AGO4: variants seen among roughly 807,000 people sequenced by gnomAD.
The protein encoded by AGO4 is argonaute RISC component 4.
Under a neutral mutation model 104.7 loss-of-function variants are expected in AGO4, and 33 were observed. The observed-to-expected ratio is 0.32, with a 90% CI of 0.24 to 0.42. The LOEUF is 0.42. Among genes scored for constraint, AGO4 ranks in the 10% least tolerant of loss-of-function variants. The pLI is 1.00. For synonymous variants in AGO4, 331 were observed against 364.7 expected (o/e 0.91, Z 1.05); for missense variants, 711 against 1,083.4 (o/e 0.66, Z 4.83).
chr1:35,841,297 C>T lies in AGO4; in HGVS notation c.1857C>T (p.Ala619=). 2.5e-6 allele frequency: 4 copies of T among 1,614,182 alleles called. No individual in the cohort carries two copies. Among genetic ancestry groups the T allele is most frequent in the Non-Finnish European group, 3.4e-6 (4 of 1,180,034 alleles). The part of the protein sequence containing the change: ...SMDGHPSRYC[A]TVRVQTSRQE... ...ATGGCCACCCCAGCCGGTACTGTGC[C>T]ACCGTTCGGGTGCAGACTTCCCGGC... Residue 619 remains alanine, a synonymous_variant, in exon 14 of 18, where the codon GCC becomes GCT. Coordinates refer to ENST00000373210, the MANE Select transcript of AGO4 (RefSeq NM_017629.4). This position sits in a 1 kb window ranked among gnomAD's most constrained non-coding sequence, Gnocchi z 4.7.
chr1:35,838,953 T>C (rs1001714022), intron 13 of AGO4, among the ~76,000 whole-genome samples: 8 of 152,116 alleles, frequency 5.3e-5, no homozygotes, highest in African/African-American at 1.9e-4. Context: ...GCATATTTTG[T>C]CAACTTGATT....
chr1:35,812,921 T>C (rs1643556738), intron 1 of AGO4, among the ~76,000 whole-genome samples: 1 of 152,186 alleles, frequency 6.6e-6, no homozygotes, highest in Admixed American at 6.5e-5. Context: ...ATACAGTGAT[T>C]GCTTAAGTGT....
intron 17 of AGO4, among the ~76,000 whole-genome samples, chr1:35,851,646 C>T (rs1644703854): frequency 6.6e-6 from 1 of 152,094 alleles, no homozygotes; most frequent in African/African-American, 2.4e-5. Context: ...TGAAGTGTAG[C>T]AGTTTCTGGG....
intron 15 of AGO4, among the ~76,000 whole-genome samples, chr1:35,842,307 A>C (rs572164372): frequency 6.6e-6 from 1 of 151,910 alleles, no homozygotes; most frequent in Admixed American, 6.6e-5. Flanking sequence ...TCCCAAAACC[A>C]TCTCCCCGCC....
At position 35,834,003 on chromosome 1, in the gene AGO4, C is replaced by T. The variant is rs1320375545; in HGVS notation, c.1393C>T (p.Gln465Ter). The T allele has an allele frequency of 6.4e-7, 1 of 1,568,210 alleles. No homozygotes were observed. Among genetic ancestry groups the T allele is most frequent in the Admixed American group, 1.8e-5 (1 of 54,930 alleles). The change falls in exon 12 of 18, where the codon CAG (glutamine) becomes TAG (stop). Residue 465 changes from glutamine (Q) to a stop codon, truncating the protein, a stop_gained. Transcript: ENST00000373210. LOFTEE classifies it high-confidence loss of function. ...REDLLKSFTD[Q>*]LRKISKDAGM... is the part of the protein sequence containing the mutation. The stretch of plus-strand genomic sequence containing the variant: ...CTATTTTAACAGGAGTTTCACTGAC[C>T]AGCTGCGTAAAATCTCTAAGGATGC...
At chr1:35,819,799 T>TAA (rs77771083) in intron 2 of AGO4, among the ~76,000 whole-genome samples, 4 of 131,038 alleles carry the variant, frequency 3.1e-5, no homozygotes, top group African/African-American at 5.7e-5. Flanking sequence ...CTCTGAGTCT[T>TAA]AAAAAAAAAA....
In AGO4 at chr1:35,822,980, A is replaced by G. The variant is rs779359807; in HGVS notation, c.304A>G (p.Arg102Gly). The change falls in exon 3 of 18, where the codon AGG (arginine) becomes GGG (glycine). Residue 102 changes from arginine to glycine, a missense_variant and splice_region_variant. Arg to Gly is a moderately radical substitution (Grantham distance 125, BLOSUM62 -2). Coordinates refer to ENST00000373210, the MANE Select transcript of AGO4 (RefSeq NM_017629.4). ...TAHPLPIGRDRVDMEVTLPGE... is the reference protein window; with the variant it reads ...TAHPLPIGRDGVDMEVTLPGE... ...ACATCCACTACCAATTGGACGGGAT[A>G]GGGTAAGTGTTAAGAGCAAGAAATA... 6 of 1,613,730 alleles carry G rather than the reference A, an allele frequency of 3.7e-6. No individual in the cohort carries two copies. The Admixed American group carries it at 8.3e-5, about 22-fold the overall frequency.
At chr1:35,836,464 C>T (rs1644315698) in intron 13 of AGO4, among the ~76,000 whole-genome samples, 1 of 152,194 alleles carries the variant, frequency 6.6e-6, no homozygotes, top group Non-Finnish European at 1.5e-5. Context: ...GGTTGGAGTG[C>T]AGTGATGCGA....
At chr1:35,815,885 G>A (rs778433134) in intron 1 of AGO4, among the ~76,000 whole-genome samples, 3 of 152,164 alleles carry the variant, frequency 2.0e-5, no homozygotes, top group Non-Finnish European at 4.4e-5. Flanking sequence ...AGAACCACTG[G>A]TCTAGACTGT....
chr1:35,831,998 T>G, intron 9 of AGO4, 59 bp from the exon 10 acceptor site: 1 of 1,604,788 alleles, frequency 6.2e-7, no homozygotes, highest in Middle Eastern at 1.7e-4. Flanking sequence ...AATAGAAAAC[T>G]CCTCCTGGGA....
intron 1 of AGO4, among the ~76,000 whole-genome samples, chr1:35,811,126 C>T (rs1353423886): frequency 8.6e-5 from 13 of 151,564 alleles, no homozygotes; most frequent in African/African-American, 3.2e-4. Context: ...AAAAGAAACC[C>T]TGCCTCAAAA....
At chr1:35,826,925 G>C in intron 7 of AGO4, 90 bp downstream of exon 7, 1 of 1,329,314 alleles carries the variant, frequency 7.5e-7, no homozygotes, top group East Asian at 2.5e-5. Context: ...TTATTGGCCG[G>C]GCACAGTGGC....
intron 15 of AGO4, among the ~76,000 whole-genome samples, chr1:35,846,346 C>G (rs1043722327): frequency 6.6e-6 from 1 of 151,948 alleles, no homozygotes; most frequent in South Asian, 2.1e-4. Flanking sequence ...ACCTGTAATC[C>G]CAGCACTTTG....
intron 15 of AGO4, among the ~76,000 whole-genome samples, chr1:35,846,209 G>A (rs1324890573): frequency 6.6e-6 from 1 of 151,948 alleles, no homozygotes; most frequent in Non-Finnish European, 1.5e-5. Context: ...CTATTACTTG[G>A]CATCACTGTA....
intron 16 of AGO4, 41 bp from the exon 17 acceptor site, chr1:35,850,813 C>T (rs761053412): frequency 6.3e-5 from 70 of 1,115,066 alleles, no homozygotes; most frequent in Middle Eastern, 2.1e-4. Flanking sequence ...AAACAAAAAA[C>T]GAACAAAAAA....
rs60952067 is a variant in AGO4, at chr1:35,818,625, AAAAG to A, written c.185+1611_185+1614del. 1.5e-3 allele frequency among the ~76,000 whole-genome samples: 187 copies of A among 126,102 alleles called. 1 individual carries two copies. The highest frequency in any genetic ancestry group is 5.2e-3 in the African/African-American group (159 of 30,698). 82.7% of individuals were successfully genotyped at this position (126,102 alleles called of 152,430 possible). ...GGCAACAGAGGGAGACTCTGTCTCA[AAAAG>A]AAAGAAAGAAAGAAAGAAAGAAAGA... On this transcript the variant is annotated intron_variant, in intron 2 of 17. Transcript: ENST00000373210.
chr1:35,841,568 A>G lies in AGO4; in HGVS notation c.2041-48A>G, dbSNP rs1052967429. On this transcript the variant is annotated intron_variant, in intron 14 of 17. Coordinates refer to ENST00000373210, the MANE Select transcript of AGO4 (RefSeq NM_017629.4). The surrounding 1 kb of genome is among the most constrained non-coding windows in gnomAD (Gnocchi z 4.7). ...CTACCATTCTGGGTAGATCTGAGAG[A>G]TACTAGGCAAATTCTCAATTAAACA... is the stretch of plus-strand genomic sequence containing the variant. 1 of 1,613,208 alleles carries G rather than the reference A, an allele frequency of 6.2e-7. No homozygotes were observed. Among genetic ancestry groups the G allele is most frequent in the Non-Finnish European group, 8.5e-7 (1 of 1,179,502 alleles).
At chr1:35,816,306 A>T (rs1449080673) in intron 1 of AGO4, among the ~76,000 whole-genome samples, 1 of 152,204 alleles carries the variant, frequency 6.6e-6, no homozygotes, top group Non-Finnish European at 1.5e-5. Flanking sequence ...TTTATACTGT[A>T]GCCTATACTT....
At chr1:35,835,762 G>T (rs1272634316) in intron 12 of AGO4, 72 bp from the exon 13 acceptor site, 22 of 1,322,738 alleles carry the variant, frequency 1.7e-5, no homozygotes, top group African/African-American at 1.0e-4. Flanking sequence ...AATGTGTGGG[G>T]TTTTTTTCCT....
Sources: gnomAD v4.1 joint callset for allele counts (sites outside exome capture counted in the v4.1 genomes callset) on GRCh38, gnomAD v4.1.1 for gene constraint, Gnocchi (gnomAD v3.1) non-coding constraint, MANE v1.5 for transcripts, NCBI Gene and HGNC (gene_info 2026-07-23, HGNC 2026-07-21) for gene names.